Variants in CXXC5 observed in about 807,000 individuals in gnomAD.
CXXC5 encodes CXXC-type zinc finger protein 5.
CXXC5 carries 2 observed loss-of-function variants against 17.6 expected under a neutral mutation model. The observed-to-expected ratio is 0.11, with a 90% CI of 0.05 to 0.36. CXXC5 has a LOEUF of 0.36. Ranked by LOEUF, CXXC5 falls within the 10% of genes least tolerant of loss-of-function variation. The probability of loss-of-function intolerance (pLI) is 1.00; values close to 1 mark genes in which losing one functional copy is unlikely to be tolerated. For missense variants in CXXC5, 343 were observed against 458.3 expected, an observed-to-expected ratio of 0.75 and a Z score of 2.30; for synonymous variants, 171 against 193.0, an observed-to-expected ratio of 0.89 and a Z score of 0.94.
intron 1 of CXXC5, among the ~76,000 whole-genome samples, chr5:139,677,396 T>C (rs1737599609): frequency 6.6e-6 from 1 of 152,076 alleles, no homozygotes; most frequent in African/African-American, 2.4e-5. Flanking sequence ...GTCCTCCTCT[T>C]CCATGAGTAG....
rs979044346 is a variant in CXXC5, at chr5:139,661,017, T to C, written c.-161+12172T>C. 6.6e-6 allele frequency among the ~76,000 whole-genome samples: 1 copy of C among 152,128 alleles called. No homozygotes were observed. Among genetic ancestry groups the C allele is most frequent in the African/African-American group, 2.4e-5 (1 of 41,418 alleles). ...AAACAGGAACCCCGGAGCTGCAGCCTGGGCCGAGGGGGCCAGGGCAGCCGG... is the reference window on the plus strand; with the variant it reads ...AAACAGGAACCCCGGAGCTGCAGCCCGGGCCGAGGGGGCCAGGGCAGCCGG... On this transcript the variant is annotated intron_variant, in intron 1 of 2. Transcript: ENST00000302517. The surrounding 1 kb of genome is among the most constrained non-coding windows in gnomAD (Gnocchi z 4.7).
rs1351695466 is a variant in CXXC5, at chr5:139,663,956, G to A, written c.-161+15111G>A. 1.3e-5 allele frequency among the ~76,000 whole-genome samples: 2 copies of A among 152,164 alleles called. No individual in the cohort carries two copies. The highest frequency in any genetic ancestry group is 2.9e-5 in the Non-Finnish European group (2 of 68,012). ...GCTGCAGAGCTAGGAGAGGAATCCT[G>A]ACTCCAAAGCCCCACTTGGACCCTG... On this transcript the variant is annotated intron_variant, in intron 1 of 2. Transcript: ENST00000302517. This position sits in a 1 kb window ranked among gnomAD's most constrained non-coding sequence, Gnocchi z 4.2.
At chr5:139,647,771 G>A (rs545491951), upstream of CXXC5, 2 of 152,308 alleles carry the variant, frequency 1.3e-5, no homozygotes, top group Non-Finnish European at 2.9e-5. Context: ...TGAGAAATGG[G>A]AACGGGAATC....
chr5:139,662,158 T>C (rs1755855494), intron 1 of CXXC5, among the ~76,000 whole-genome samples: 1 of 152,170 alleles, frequency 6.6e-6, no homozygotes, highest in Non-Finnish European at 1.5e-5. Flanking sequence ...TCTGCCTACC[T>C]TCCCTGCTTA....
At chr5:139,664,987 G>A (rs536017691) in intron 1 of CXXC5, among the ~76,000 whole-genome samples, 89 of 152,346 alleles carry the variant, frequency 5.8e-4, no homozygotes, top group Non-Finnish European at 1.0e-3. Context: ...TGGTGACAGC[G>A]GAGCCCTTCC....
chr5:139,662,529 C>T (rs1755878259), intron 1 of CXXC5, among the ~76,000 whole-genome samples: 1 of 152,174 alleles, frequency 6.6e-6, no homozygotes, highest in Admixed American at 6.5e-5. Context: ...CTCCTAACAC[C>T]CAGACTACCG....
intron 1 of CXXC5, among the ~76,000 whole-genome samples, chr5:139,667,569 C>T (rs368478545): frequency 3.3e-5 from 5 of 152,098 alleles, no homozygotes; most frequent in Non-Finnish European, 5.9e-5. Context: ...CACTTGGTAC[C>T]GGCTGGGGTC....
At chr5:139,677,756 A>G (rs1219992654) in intron 1 of CXXC5, among the ~76,000 whole-genome samples, 1 of 152,226 alleles carries the variant, frequency 6.6e-6, no homozygotes, top group Admixed American at 6.5e-5. Context: ...AGATCAGAGA[A>G]ATTCCAAGAG....
intron 1 of CXXC5, among the ~76,000 whole-genome samples, chr5:139,669,287 G>A (rs1480865447): frequency 6.6e-6 from 1 of 152,202 alleles, no homozygotes; most frequent in Non-Finnish European, 1.5e-5. Context: ...TATGCAGCCA[G>A]TGCTCGGAAT....
rs1162259468 is a variant in CXXC5, at chr5:139,670,962, C to T, written c.-160-9402C>T. On this transcript the variant is annotated intron_variant, in intron 1 of 2. Transcript: ENST00000302517. This position sits in a 1 kb window ranked among gnomAD's most constrained non-coding sequence, Gnocchi z 4.2. ...CATTGCTCTCGTCACCATACACACT[C>T]CAGCCCCCTGAGCCCGCTCCCAGGT... 6.6e-6 allele frequency among the ~76,000 whole-genome samples: 1 copy of T among 152,246 alleles called. No individual in the cohort carries two copies. Among genetic ancestry groups the T allele is most frequent in the Non-Finnish European group, 1.5e-5 (1 of 68,050 alleles).
intron 1 of CXXC5, among the ~76,000 whole-genome samples, chr5:139,673,984 A>G (rs1418889408): frequency 7.9e-5 from 12 of 152,016 alleles, no homozygotes; most frequent in Non-Finnish European, 1.2e-4. Flanking sequence ...AGTCGGGGAT[A>G]TAGAAATGCT....
chr5:139,672,278 C>A (rs546864830), intron 1 of CXXC5, among the ~76,000 whole-genome samples: 1 of 152,196 alleles, frequency 6.6e-6, no homozygotes, highest in African/African-American at 2.4e-5. Flanking sequence ...CCACCACGCT[C>A]GGCTAATTTT....
chr5:139,673,839 C>CAA (rs752672843), intron 1 of CXXC5, among the ~76,000 whole-genome samples: 6 of 64,894 alleles, frequency 9.2e-5, no homozygotes, highest in East Asian at 4.0e-4. Context: ...AGACTCTTGT[C>CAA]AAAAAAAAAA....
rs1191999377 is a variant in CXXC5 at position 139,661,199 on chromosome 5, G to A, written c.-161+12354G>A. Among the ~76,000 whole-genome samples the A allele has an allele frequency of 1.3e-5, 2 of 152,228 alleles. No individual in the cohort carries two copies. The highest frequency in any genetic ancestry group is 4.8e-5 in the African/African-American group (2 of 41,460). Reference sequence around the variant, plus strand: ...GCGCCGCCCCCCCACCTCTTGCGCTGTCGGCCATCAGCCCAGCAGAGCAGG... The same window carrying A: ...GCGCCGCCCCCCCACCTCTTGCGCTATCGGCCATCAGCCCAGCAGAGCAGG... On this transcript the variant is annotated intron_variant, in intron 1 of 2. Transcript: ENST00000302517. The surrounding 1 kb of genome is among the most constrained non-coding windows in gnomAD (Gnocchi z 4.7).
At chr5:139,656,527 C>T (rs570910032) in intron 1 of CXXC5, among the ~76,000 whole-genome samples, 2 of 152,322 alleles carry the variant, frequency 1.3e-5, no homozygotes, top group East Asian at 1.9e-4. Context: ...CAGGGCCGTG[C>T]CTCCTGTCAT....
chr5:139,680,965 G>C lies in CXXC5; in HGVS notation c.442G>C (p.Ala148Pro), dbSNP rs1459406295. 1 of 1,601,874 alleles carries C rather than the reference G, an allele frequency of 6.2e-7. No individual in the cohort carries two copies. The highest frequency in any genetic ancestry group is 1.3e-5 in the African/African-American group (1 of 74,954). ...SGAVASLLSKAERATELAAEG... is the reference protein window; with the variant it reads ...SGAVASLLSKPERATELAAEG... The stretch of plus-strand genomic sequence containing the variant: ...TGCTGTGGCCAGCCTGCTGAGCAAG[G>C]CAGAGCGGGCCACGGAGCTGGCAGC... Residue 148 changes from alanine to proline, a missense_variant, in exon 2 of 3, where the codon GCA (alanine) becomes CCA (proline). Ala to Pro is a conservative substitution (Grantham distance 27, BLOSUM62 -1). Around this residue, in one of 4 missense-constraint regions of CXXC5, gnomAD observed 297 missense variants for 363.4 expected, o/e 0.82. Coordinates refer to ENST00000302517, the MANE Select transcript of CXXC5 (RefSeq NM_016463.9).
intron 1 of CXXC5, among the ~76,000 whole-genome samples, chr5:139,665,415 T>C (rs1206520564): frequency 6.6e-6 from 1 of 152,202 alleles, no homozygotes; most frequent in African/African-American, 2.4e-5. Flanking sequence ...CCCACCTCCT[T>C]GCTGGAATGC....
chr5:139,655,465 C>G (rs1268502117), intron 1 of CXXC5, among the ~76,000 whole-genome samples: 1 of 150,490 alleles, frequency 6.6e-6, no homozygotes, highest in Non-Finnish European at 1.5e-5. Context: ...ATCCCTGCCG[C>G]TGAATTACTG....
intron 1 of CXXC5, among the ~76,000 whole-genome samples, chr5:139,652,879 C>G (rs1436861406): frequency 6.6e-6 from 1 of 152,120 alleles, no homozygotes; most frequent in African/African-American, 2.4e-5. Flanking sequence ...GCTTATAAAT[C>G]TGGGGGATCT....
Sources: gnomAD v4.1 joint callset for allele counts (sites outside exome capture counted in the v4.1 genomes callset) on GRCh38, gnomAD v4.1.1 for gene constraint, gnomAD v4.1.1 regional missense constraint, Gnocchi (gnomAD v3.1) non-coding constraint, MANE v1.5 for transcripts, NCBI Gene and HGNC (gene_info 2026-07-23, HGNC 2026-07-21) for gene names.